UBE2U: variants seen among roughly 807,000 people sequenced by gnomAD.
The protein encoded by UBE2U is ubiquitin-conjugating enzyme E2 U.
UBE2U carries 39 observed loss-of-function variants against 41.2 expected under a neutral mutation model. The observed-to-expected ratio is 0.95, with a 90% confidence interval of 0.73 to 1.24. The LOEUF is 1.24. Ranked by LOEUF, UBE2U falls within the 50% of genes most tolerant of loss-of-function variation. The probability of loss-of-function intolerance (pLI) is 0.00; values close to 1 mark genes in which losing one functional copy is unlikely to be tolerated. For synonymous variants in UBE2U, 107 were observed against 117.8 expected (o/e 0.91, Z 0.60); for missense variants, 336 against 363.1 (o/e 0.93, Z 0.61).
In UBE2U at chr1:64,239,065, AGAGGAAGAGGAAGAGGAAGAGGAAGAG is replaced by A. The variant is rs1644729824; in HGVS notation, c.596-2584_596-2558del. The stretch of plus-strand genomic sequence containing the variant: ...CTCAAAAAGAAGAAGAAGAAGAAGA[AGAGGAAGAGGAAGAGGAAGAGGAAGAG>A]GAAGAAGAAGAAGAAGAAGAAGAAG... On this transcript the variant is annotated intron_variant, in intron 7 of 9. Transcript: ENST00000371077. Among the ~76,000 whole-genome samples, 19 of 67,470 alleles carry A rather than the reference AGAGGAAGAGGAAGAGGAAGAGGAAGAG, an allele frequency of 2.8e-4. No individual in the cohort carries two copies. The South Asian group carries it at 8.4e-3, about 30-fold the overall frequency. The allele number at this position is 67,470 out of a possible 152,430, so 44.3% of individuals were successfully genotyped here. A position where few individuals can be genotyped will look rare whatever the true frequency, so the allele number is the denominator to read the frequency against.
chr1:64,206,732 C>T, intron 2 of UBE2U, 32 bp from the exon 3 acceptor site: 5 of 1,308,316 alleles, frequency 3.8e-6, no homozygotes, highest in Non-Finnish European at 5.4e-6. Flanking sequence ...AAACATGACA[C>T]TTTAGTAAAA....
chr1:64,208,229 A>G (rs1243189707), intron 3 of UBE2U, among the ~76,000 whole-genome samples: 1 of 152,210 alleles, frequency 6.6e-6, no homozygotes, highest in Non-Finnish European at 1.5e-5. Context: ...AAATGCATAT[A>G]TCCCTAAATT....
intron 6 of UBE2U, among the ~76,000 whole-genome samples, chr1:64,222,755 A>G (rs1281290651): frequency 2.0e-5 from 3 of 152,244 alleles, no homozygotes; most frequent in Admixed American, 6.5e-5. Context: ...TCAAAGAAAG[A>G]TGCTGCTGTT....
chr1:64,225,736 A>G (rs904017351), intron 6 of UBE2U, among the ~76,000 whole-genome samples: 2 of 152,212 alleles, frequency 1.3e-5, no homozygotes, highest in African/African-American at 4.8e-5. Flanking sequence ...AGTTGTGAGA[A>G]AAAGTGGGAC....
intron 9 of UBE2U, among the ~76,000 whole-genome samples, chr1:64,264,154 A>ATGGTT (rs1645219583): frequency 6.6e-6 from 1 of 152,228 alleles, no homozygotes; most frequent in African/African-American, 2.4e-5. Flanking sequence ...CTGAATAGAA[A>ATGGTT]TAAACCATTT....
intron 8 of UBE2U, among the ~76,000 whole-genome samples, chr1:64,259,968 G>A (rs1423287400): frequency 6.6e-6 from 1 of 151,608 alleles, no homozygotes; most frequent in Non-Finnish European, 1.5e-5. Context: ...TAGTTAAGAT[G>A]AGGCTATACT....
chr1:64,222,317 G>GA (rs1261442225), intron 6 of UBE2U, among the ~76,000 whole-genome samples: 1 of 152,138 alleles, frequency 6.6e-6, no homozygotes, highest in Non-Finnish European at 1.5e-5. Context: ...CCTAAAACAT[G>GA]AATGTCCTTA....
At chr1:64,259,722 G>T (rs1557750815) in intron 8 of UBE2U, among the ~76,000 whole-genome samples, 1 of 151,846 alleles carries the variant, frequency 6.6e-6, no homozygotes. Flanking sequence ...TAAAATTTTT[G>T]ATTTCCATAT....
intron 9 of UBE2U, among the ~76,000 whole-genome samples, chr1:64,265,583 C>CTTTGT (rs895861359): frequency 1.3e-5 from 2 of 151,990 alleles, no homozygotes; most frequent in African/African-American, 4.8e-5. Context: ...ATCTTTCTCT[C>CTTTGT]TTTGTTTTGT....
chr1:64,204,421 A>G (rs1651159479), intron 1 of UBE2U, among the ~76,000 whole-genome samples: 1 of 152,142 alleles, frequency 6.6e-6, no homozygotes, highest in African/African-American at 2.4e-5. Flanking sequence ...TATGCTCATT[A>G]ATTATAATAC....
chr1:64,222,107 A>AAC (rs919204274), intron 6 of UBE2U, among the ~76,000 whole-genome samples: 1 of 151,550 alleles, frequency 6.6e-6, no homozygotes, highest in Non-Finnish European at 1.5e-5. Flanking sequence ...AAAAAAAAAA[A>AAC]AACACAAAAA....
intron 1 of UBE2U, among the ~76,000 whole-genome samples, chr1:64,204,732 G>T (rs909380479): frequency 2.6e-5 from 4 of 152,202 alleles, no homozygotes; most frequent in Non-Finnish European, 5.9e-5. Context: ...GGAAGAGGGG[G>T]CGAAGAGGGA....
chr1:64,241,565 T>G, intron 7 of UBE2U, 87 bp from the exon 8 acceptor site: 6 of 916,042 alleles, frequency 6.5e-6, no homozygotes, highest in Non-Finnish European at 1.0e-5. Flanking sequence ...ATCAAGTTAA[T>G]GAGAAGTGAA....
At chr1:64,256,741 A>T (rs1645098406) in intron 8 of UBE2U, among the ~76,000 whole-genome samples, 1 of 152,190 alleles carries the variant, frequency 6.6e-6, no homozygotes, top group African/African-American at 2.4e-5. Context: ...GCCAAAAGCA[A>T]TTGCAACAAA....
At chr1:64,246,611 A>C (rs1464165380) in intron 8 of UBE2U, among the ~76,000 whole-genome samples, 2 of 152,170 alleles carry the variant, frequency 1.3e-5, no homozygotes, top group Non-Finnish European at 2.9e-5. Context: ...AAACAAAGGG[A>C]GGAAAATCCT....
At chr1:64,204,342 T>C (rs554763982) in intron 1 of UBE2U, among the ~76,000 whole-genome samples, 1 of 152,252 alleles carries the variant, frequency 6.6e-6, no homozygotes, top group South Asian at 2.1e-4. Flanking sequence ...TTATGCAGAG[T>C]AATTTATGTG....
At chr1:64,250,375 G>C (rs968035716) in intron 8 of UBE2U, among the ~76,000 whole-genome samples, 2 of 152,060 alleles carry the variant, frequency 1.3e-5, no homozygotes, top group Non-Finnish European at 2.9e-5. Flanking sequence ...AACCCAGATG[G>C]CTTCACTGGA....
chr1:64,243,624 A>T (rs1644871635), intron 8 of UBE2U, among the ~76,000 whole-genome samples: 2 of 152,206 alleles, frequency 1.3e-5, no homozygotes, highest in South Asian at 4.1e-4. Flanking sequence ...CTGTATTTGC[A>T]TAGCATTGAA....
rs924784583 is a variant in UBE2U at position 64,266,517 on chromosome 1, G to T, written c.770-507G>T. On this transcript the variant is annotated intron_variant, in intron 9 of 9. Coordinates refer to ENST00000371077, the MANE Select transcript of UBE2U (RefSeq NM_001366232.2). ...TTAAATAATATTATAGCTGTCGACG[G>T]GTTAGCACCGCACCTGGCACAGTGG... Among the ~76,000 whole-genome samples the T allele has an allele frequency of 2.0e-5, 3 of 152,148 alleles. 1 individual carries two copies. The South Asian group carries it at 6.2e-4, about 32-fold the overall frequency.
Sources: gnomAD v4.1 joint callset for allele counts (sites outside exome capture counted in the v4.1 genomes callset) on GRCh38, gnomAD v4.1.1 for gene constraint, MANE v1.5 for transcripts, NCBI Gene and HGNC (gene_info 2026-07-23, HGNC 2026-07-21) for gene names.